The following RPS3 variants were observed in gnomAD, a reference collection of about 807,000 sequenced individuals.
RPS3 encodes small ribosomal subunit protein uS3.
Under a neutral mutation model 25.8 loss-of-function variants are expected in RPS3, and 2 were observed. That is an observed-to-expected ratio of 0.08 (90% CI 0.03 to 0.24). The LOEUF (loss-of-function observed/expected upper bound fraction) is 0.24. Among genes scored for constraint, RPS3 ranks in the 10% least tolerant of loss-of-function variants. RPS3 has a pLI of 1.00. For synonymous variants in RPS3, 114 were observed against 114.2 expected (o/e 1.00, Z 0.01); for missense variants, 107 against 307.1 (o/e 0.35, Z 4.87).
At chr11:75,409,817 G>GCC, downstream of RPS3, among the ~76,000 whole-genome samples, 1 of 129,924 alleles carries the variant, frequency 7.7e-6, no homozygotes. Flanking sequence ...GCGGGGGGCT[G>GCC]ACCCCCCCAC....
At chr11:75,412,226 T>C (rs989762704) in intron 6 of RPS3, among the ~76,000 whole-genome samples, 1 of 152,238 alleles carries the variant, frequency 6.6e-6, no homozygotes, top group Non-Finnish European at 1.5e-5. Context: ...TGGCTCTTGC[T>C]GTTGTGGACT....
At chr11:75,419,007 CTT>C in intron 6 of RPS3, among the ~76,000 whole-genome samples, 1 of 152,136 alleles carries the variant, frequency 6.6e-6, no homozygotes, top group East Asian at 1.9e-4. Flanking sequence ...TAATTAAGGA[CTT>C]TTTTGCTTTT....
chr11:75,412,588 C>G (rs767346986), intron 6 of RPS3, among the ~76,000 whole-genome samples: 47 of 152,142 alleles, frequency 3.1e-4, no homozygotes, highest in Non-Finnish European at 6.5e-4. Flanking sequence ...TGCCTCCACC[C>G]CACCAGTGAT....
At position 75,406,508 on chromosome 11, in the gene RPS3, G is replaced by C. The variant is rs961055901; in HGVS notation, c.*898G>C. 1 of 152,156 alleles carries C rather than the reference G, an allele frequency of 6.6e-6. No homozygotes were observed. The highest frequency in any genetic ancestry group is 2.4e-5 in the African/African-American group (1 of 41,426). 9.4% of individuals were successfully genotyped at this position (152,156 alleles called of 1,614,324 possible). A position where few individuals can be genotyped will look rare whatever the true frequency, so the allele number is the denominator to read the frequency against. ...GGCTTAGCAGGTGCTGTGATGATTTGGTTTTCTTCTCAATTAGACTGAGCT... is the reference window on the plus strand; with the variant it reads ...GGCTTAGCAGGTGCTGTGATGATTTCGTTTTCTTCTCAATTAGACTGAGCT... On this transcript the variant is annotated 3_prime_UTR_variant, in exon 7 of 7. Transcript: ENST00000531188.
chr11:75,402,521 C>A, intron 4 of RPS3, 75 bp downstream of exon 4: 2 of 1,479,258 alleles, frequency 1.4e-6, no homozygotes, highest in Non-Finnish European at 1.9e-6. Flanking sequence ...GTTAATTTAG[C>A]AGATGAACTG....
In RPS3 at chr11:75,399,594, T is replaced by C; in HGVS notation, c.30+17T>C. The C allele has an allele frequency of 6.2e-7, 1 of 1,611,564 alleles. No homozygotes were observed. Among genetic ancestry groups the C allele is most frequent in the East Asian group, 2.2e-5 (1 of 44,730 alleles). On this transcript the variant is annotated intron_variant, in intron 1 of 6. Transcript: ENST00000531188. ...AAGAGGAAGGTGAGCCTCTGGGGAC[T>C]GGGTTCGGAGAACGACGGCGCCGCG...
Position 75,421,726 on chromosome 11 carries a change from G to C in RPS3, c.*4-1G>C, listed in dbSNP as rs1350097146. The C allele has an allele frequency of 6.6e-6, 1 of 152,168 alleles. No homozygotes were observed. The highest frequency in any genetic ancestry group is 1.5e-5 in the Non-Finnish European group (1 of 68,052). The allele number at this position is 152,168 out of a possible 1,614,324, so 9.4% of individuals were successfully genotyped here. On this transcript the variant is annotated splice_acceptor_variant, in intron 6 of 6. Coordinates refer to the RPS3 transcript ENST00000527446. LOFTEE classifies it low-confidence loss of function (3UTR_SPLICE). ...CCATAACTGTTTTTGTTTTGTTTCAGCCTCTTCCATGAGTGGGGAGCCCGC... is the reference window on the plus strand; with the variant it reads ...CCATAACTGTTTTTGTTTTGTTTCACCCTCTTCCATGAGTGGGGAGCCCGC...
intron 6 of RPS3, among the ~76,000 whole-genome samples, chr11:75,420,758 A>C (rs2135074562): frequency 6.6e-6 from 1 of 152,140 alleles, no homozygotes; most frequent in South Asian, 2.1e-4. Flanking sequence ...AGACTAGAGA[A>C]GTCACATAAA....
At chr11:75,421,424 C>T (rs1460430367) in intron 6 of RPS3, among the ~76,000 whole-genome samples, 2 of 152,148 alleles carry the variant, frequency 1.3e-5, no homozygotes, top group Non-Finnish European at 2.9e-5. Flanking sequence ...GGCCTCACAG[C>T]GATATGCACA....
downstream of RPS3, among the ~76,000 whole-genome samples, chr11:75,410,125 C>T (rs1198174685): frequency 9.9e-5 from 14 of 141,710 alleles, no homozygotes; most frequent in African/African-American, 3.8e-4. Flanking sequence ...GGGCTGACCC[C>T]ACACCTCCCT....
chr11:75,410,846 C>T (rs867399210), downstream of RPS3, among the ~76,000 whole-genome samples: 3 of 152,286 alleles, frequency 2.0e-5, no homozygotes, highest in South Asian at 2.1e-4. Context: ...ACCATTCAGG[C>T]GTGGCGGCGC....
Position 75,402,402 on chromosome 11 carries a change from A to G in RPS3, c.306A>G (p.Ala102=), listed in dbSNP as rs1271238751. 3.1e-6 allele frequency: 5 copies of G among 1,613,908 alleles called. No homozygotes were observed. In the South Asian group the frequency reaches 3.3e-5, roughly 11 times the overall value. Residue 102 remains alanine, a synonymous_variant, in exon 4 of 7, where the codon GCA becomes GCG. Transcript: ENST00000531188. ...ATRGLCAIAQ[A]ESLRYKLLGG... The stretch of plus-strand genomic sequence containing the variant: ...GAGGTCTGTGTGCCATTGCCCAGGC[A>G]GAGTCTCTGCGTTACAAACTCCTAG...
intron 6 of RPS3, 171 bp from the exon 7 acceptor site, chr11:75,405,441 GTC>G (rs1948272922): frequency 8.9e-6 from 3 of 338,596 alleles, no homozygotes; most frequent in Non-Finnish European, 1.7e-5. Context: ...TATAGGTGTT[GTC>G]TCTCCAGGTG....
chr11:75,416,498 A>G (rs1482406221), intron 6 of RPS3, among the ~76,000 whole-genome samples: 1 of 131,108 alleles, frequency 7.6e-6, no homozygotes, highest in Admixed American at 8.8e-5. Context: ...TCTCACTGTC[A>G]CTTAGGCTGG....
At chr11:75,417,457 C>T (rs953308777) in intron 6 of RPS3, among the ~76,000 whole-genome samples, 3 of 152,126 alleles carry the variant, frequency 2.0e-5, no homozygotes, top group African/African-American at 7.2e-5. Flanking sequence ...ATTAGCCAGG[C>T]GTGGTGGCGG....
chr11:75,407,121 G>A (rs539007160), downstream of RPS3, among the ~76,000 whole-genome samples: 3 of 152,276 alleles, frequency 2.0e-5, no homozygotes, highest in Admixed American at 2.0e-4. Flanking sequence ...AAGAGCCTTT[G>A]ATGATTATAT....
At position 75,406,015 on chromosome 11, in the gene RPS3, C is replaced by CT. The variant is rs1274688405; in HGVS notation, c.*406dup. ...ATTATATTTTGTGTCATGCTGTGCT[C>CT]TAAGTGTTCTTTACATATGTACTCG... On this transcript the variant is annotated 3_prime_UTR_variant, in exon 7 of 7. Coordinates refer to ENST00000531188, the MANE Select transcript of RPS3 (RefSeq NM_001005.5). The CT allele has an allele frequency of 1.2e-5, 2 of 165,930 alleles. No individual in the cohort carries two copies. The highest frequency in any genetic ancestry group is 2.6e-5 in the Non-Finnish European group (2 of 76,680). The allele number at this position is 165,930 out of a possible 1,614,324, so 10.3% of individuals were successfully genotyped here. A position where few individuals can be genotyped will look rare whatever the true frequency, so the allele number is the denominator to read the frequency against.
rs1339278344 is a variant in RPS3, at chr11:75,405,661, G to T, written c.*51G>T. ...TGGAGTCTGGATGTTGCTCTCTAAA[G>T]ACCTTTAATAAAATTTTGTACAAAG... is the stretch of plus-strand genomic sequence containing the variant. On this transcript the variant is annotated 3_prime_UTR_variant, in exon 7 of 7. Transcript: ENST00000531188. 1 of 456,120 alleles carries T rather than the reference G, an allele frequency of 2.2e-6. No individual in the cohort carries two copies. The highest frequency in any genetic ancestry group is 1.5e-5 in the South Asian group (1 of 64,546). The allele number at this position is 456,120 out of a possible 1,614,324, so 28.3% of individuals were successfully genotyped here. A position where few individuals can be genotyped will look rare whatever the true frequency, so the allele number is the denominator to read the frequency against.
At chr11:75,419,740 TCTC>T (rs1480738316) in intron 6 of RPS3, among the ~76,000 whole-genome samples, 2 of 151,914 alleles carry the variant, frequency 1.3e-5, no homozygotes, top group Non-Finnish European at 2.9e-5. Context: ...TTCAAGCAAT[TCTC>T]CTGCCTCAGC....
Sources: gnomAD v4.1 joint callset for allele counts (sites outside exome capture counted in the v4.1 genomes callset) on GRCh38, gnomAD v4.1.1 for gene constraint, MANE v1.5 for transcripts, NCBI Gene and HGNC (gene_info 2026-07-23, HGNC 2026-07-21) for gene names.